TRPM1: variants seen among roughly 807,000 people sequenced by gnomAD.
TRPM1 encodes the protein TRPM1-203 APA Isoform, Intron 10.
A neutral mutation model predicts 149.4 loss-of-function variants in TRPM1; 113 were observed. That is an observed-to-expected ratio of 0.76 (90% confidence interval 0.65 to 0.88). TRPM1 has a LOEUF of 0.88. Among genes scored for constraint, TRPM1 ranks in the 40% least tolerant of loss-of-function variants. The pLI is 0.00. For synonymous variants in TRPM1, 741 were observed against 759.5 expected, an observed-to-expected ratio of 0.98 and a Z score of 0.40; for missense variants, 1,976 against 2,038.7, an observed-to-expected ratio of 0.97 and a Z score of 0.59.
chr15:31,112,190 C>CAAAATCA (rs2035699427), intron 1 of TRPM1, among the ~76,000 whole-genome samples: 1 of 152,138 alleles, frequency 6.6e-6, no homozygotes, highest in Non-Finnish European at 1.5e-5. Flanking sequence ...CGAGTTGATT[C>CAAAATCA]AGAAATTGAG....
upstream of TRPM1, chr15:31,101,870 G>T: frequency 3.8e-6 from 1 of 263,154 alleles, no homozygotes; most frequent in Non-Finnish European, 5.9e-6. Flanking sequence ...AGGGCCCCAA[G>T]CTTCCAGGCT....
rs775241349 is a variant in TRPM1, at chr15:31,095,935, AT to A, written c.-84+5721del. Reference sequence around the variant, plus strand: ...GTGGCAGTTGCCTGTAATCCCAACTATTTGGGAGGCTGAGGTAGGAGAATCG... The same window carrying A: ...GTGGCAGTTGCCTGTAATCCCAACTATTGGGAGGCTGAGGTAGGAGAATCG... On this transcript the variant is annotated intron_variant, in intron 1 of 27. Transcript: ENST00000256552. 2.0e-5 allele frequency among the ~76,000 whole-genome samples: 3 copies of A among 151,968 alleles called. No homozygotes were observed. The East Asian group carries it at 5.8e-4, about 29-fold the overall frequency.
rs1326214223 is a variant in TRPM1 at position 31,047,227 on chromosome 15, T to C, written c.1648A>G (p.Ile550Val). The change falls in exon 15 of 28, where the codon ATC becomes GTC. Residue 550 changes from isoleucine (I) to valine (V), a missense_variant. Ile to Val is a conservative substitution (Grantham distance 29). Transcript: ENST00000256552. ...ACGAGCCCGATGTCTATGAGGCTGATGTGGTAATCAGGCGGAAGGTTGCTC... is the reference window on the plus strand; with the variant it reads ...ACGAGCCCGATGTCTATGAGGCTGACGTGGTAATCAGGCGGAAGGTTGCTC... ...KKSNLPPDYH[I>V]SLIDIGLVLE... 1.2e-6 allele frequency: 2 copies of C among 1,614,092 alleles called. No homozygotes were observed. Among genetic ancestry groups the C allele is most frequent in the Non-Finnish European group, 8.5e-7 (1 of 1,180,052 alleles).
At chr15:31,146,379 G>A (rs1462010844) in intron 1 of TRPM1, among the ~76,000 whole-genome samples, 1 of 152,236 alleles carries the variant, frequency 6.6e-6, no homozygotes, top group South Asian at 2.1e-4. Flanking sequence ...AAAATTAAAA[G>A]AGGCCATTGC....
intron 20 of TRPM1, chr15:31,036,070 G>A (rs936940792): frequency 3.0e-6 from 1 of 331,968 alleles, no homozygotes; most frequent in African/African-American, 2.2e-5. Flanking sequence ...TTTCCTTCCT[G>A]ATTCTTTCCA....
intron 7 of TRPM1, among the ~76,000 whole-genome samples, chr15:31,065,838 G>A (rs1489049720): frequency 6.6e-6 from 1 of 152,222 alleles, no homozygotes; most frequent in East Asian, 1.9e-4. Flanking sequence ...ACCATGGCGA[G>A]CACTGAGGGT....
At chr15:31,013,343 C>A (rs143072781) in intron 27 of TRPM1, among the ~76,000 whole-genome samples, 368 of 151,170 alleles carry the variant, frequency 2.4e-3, no homozygotes, top group African/African-American at 7.8e-3. Context: ...ATTTCTACCT[C>A]TTTTTTTTTG....
intron 1 of TRPM1, among the ~76,000 whole-genome samples, chr15:31,147,337 T>C (rs1408483687): frequency 1.3e-5 from 2 of 152,272 alleles, no homozygotes; most frequent in Admixed American, 6.5e-5. Flanking sequence ...ATAAACATTT[T>C]ACTAGCTGAT....
chr15:31,149,643 C>T (rs2036269312), intron 1 of TRPM1, among the ~76,000 whole-genome samples: 1 of 152,022 alleles, frequency 6.6e-6, no homozygotes, highest in South Asian at 2.1e-4. Flanking sequence ...CCTCAGCCTC[C>T]CGAGTAGCTG....
At chr15:31,076,355 T>C (rs982380124) in intron 3 of TRPM1, among the ~76,000 whole-genome samples, 2 of 152,182 alleles carry the variant, frequency 1.3e-5, no homozygotes, top group African/African-American at 2.4e-5. Context: ...GCCTCATAGC[T>C]TTTGCCCTTA....
intron 27 of TRPM1, 131 bp downstream of exon 27, chr15:31,026,008 A>T (rs752880461): frequency 4.3e-5 from 59 of 1,357,196 alleles, no homozygotes; most frequent in Non-Finnish European, 5.8e-5. Flanking sequence ...CCACGTTAAA[A>T]CCTAAAGTTT....
intron 27 of TRPM1, 70 bp downstream of exon 27, chr15:31,026,069 C>G (rs1389627637): frequency 1.9e-6 from 3 of 1,597,710 alleles, no homozygotes; most frequent in Middle Eastern, 2.2e-4. Flanking sequence ...TCTGGCATCC[C>G]CCATAGAGTG....
At chr15:31,023,110 A>T (rs547692961) in intron 27 of TRPM1, among the ~76,000 whole-genome samples, 1 of 152,366 alleles carries the variant, frequency 6.6e-6, no homozygotes, top group Admixed American at 6.5e-5. Context: ...CCAAACCCAG[A>T]CATGGCCCTG....
chr15:31,063,260 C>G lies in TRPM1; in HGVS notation c.823G>C (p.Val275Leu), dbSNP rs202031791. The G allele has an allele frequency of 1.2e-6, 2 of 1,614,170 alleles. No homozygotes were observed. Among genetic ancestry groups the G allele is most frequent in the Admixed American group, 1.7e-5 (1 of 60,026 alleles). The change falls in exon 8 of 28, where the codon GTG (valine) becomes CTG (leucine). Residue 275 changes from valine (V) to leucine (L), a missense_variant. By Grantham distance (32) the Val-to-Leu change is conservative. This residue lies in a region of TRPM1 where 1,332 missense variants were observed against 1,347.1 expected (regional missense o/e 0.99). Transcript: ENST00000256552. ...LGQGVPLVGL[V>L]VEGGPNVVSI... is the part of the protein sequence containing the mutation. ...ACCACGTTAGGGCCCCCCTCCACCA[C>G]GAGACCCACGAGGGGCACGCCCTGC...
chr15:31,013,343 CT>C (rs1245126880), intron 27 of TRPM1, among the ~76,000 whole-genome samples: 2 of 151,044 alleles, frequency 1.3e-5, no homozygotes, highest in Admixed American at 6.6e-5. Context: ...ATTTCTACCT[CT>C]TTTTTTTTGA....
intron 1 of TRPM1, among the ~76,000 whole-genome samples, chr15:31,108,837 G>C (rs2035644570): frequency 6.6e-6 from 1 of 152,150 alleles, no homozygotes; most frequent in South Asian, 2.1e-4. Flanking sequence ...ACCAAATATG[G>C]TGAAATTTTG....
intron 1 of TRPM1, among the ~76,000 whole-genome samples, chr15:31,156,145 C>T (rs775820280): frequency 7.2e-5 from 9 of 125,006 alleles, no homozygotes; most frequent in East Asian, 5.4e-4. Context: ...TGTAGTGAGT[C>T]GAGATTGTAC....
chr15:31,110,922 C>T lies in TRPM1; in HGVS notation c.55-33938G>A, dbSNP rs373590875. On this transcript the variant is annotated intron_variant, in intron 1 of 26. Coordinates refer to the TRPM1 transcript ENST00000542188. ...CTCTCTCCCCCCCCTTCCCTCCCTC[C>T]CTTCTGCTTTTTCTGCTCCTCAGTG... Among the ~76,000 whole-genome samples the T allele has an allele frequency of 7.4e-5, 11 of 149,610 alleles. No individual in the cohort carries two copies. The East Asian group carries it at 1.4e-3, about 19-fold the overall frequency.
chr15:31,092,658 GGA>G (rs2035271616), intron 1 of TRPM1, among the ~76,000 whole-genome samples: 2 of 152,052 alleles, frequency 1.3e-5, no homozygotes, highest in Non-Finnish European at 2.9e-5. Context: ...GAGGTTTACT[GGA>G]AATATACTTG....
Sources: allele counts gnomAD v4.1 joint callset (sites outside exome capture counted in the v4.1 genomes callset), GRCh38; gene constraint gnomAD v4.1.1; regional missense constraint gnomAD v4.1.1; transcripts MANE v1.5; gene names NCBI Gene and HGNC (gene_info 2026-07-23, HGNC 2026-07-21).